SESN1: variants seen among roughly 807,000 people sequenced by gnomAD.
SESN1 encodes sestrin-1.
SESN1 carries 30 observed loss-of-function variants against 59.3 expected under a neutral mutation model. The ratio of observed to expected loss-of-function variants is 0.51; its 90% CI spans 0.38 to 0.69. The LOEUF is 0.69. SESN1 is among the 30% of genes least tolerant of loss of function. The probability of loss-of-function intolerance (pLI) is 0.00; values close to 1 mark genes in which losing one functional copy is unlikely to be tolerated. For synonymous variants in SESN1, 197 were observed against 219.9 expected, an observed-to-expected ratio of 0.90 and a Z score of 0.92; for missense variants, 566 against 673.0, an observed-to-expected ratio of 0.84 and a Z score of 1.76.
At chr6:109,009,680 G>T (rs904856773) in intron 1 of SESN1, 4 of 485,450 alleles carry the variant, frequency 8.2e-6, no homozygotes, top group Non-Finnish European at 1.1e-5. Context: ...CCCCTCCGGC[G>T]CGGAGGCTGG....
At chr6:109,024,117 A>AT (rs1780050290) in intron 1 of SESN1, among the ~76,000 whole-genome samples, 1 of 152,108 alleles carries the variant, frequency 6.6e-6, no homozygotes, top group African/African-American at 2.4e-5. Context: ...TCTAGAACAA[A>AT]TTAAAAAAAA....
intron 1 of SESN1, among the ~76,000 whole-genome samples, chr6:109,003,292 A>G (rs1779665757): frequency 6.7e-6 from 1 of 149,662 alleles, no homozygotes; most frequent in Admixed American, 6.7e-5. Flanking sequence ...TACTCATATA[A>G]TTCTACTCTC....
chr6:109,054,411 A>G (rs536357825), intron 1 of SESN1, among the ~76,000 whole-genome samples: 59 of 152,318 alleles, frequency 3.9e-4, no homozygotes, highest in African/African-American at 1.4e-3. Context: ...TCCTTAAAAA[A>G]TACAGTAAAG....
chr6:109,019,519 TG>T (rs1336885708), intron 1 of SESN1, among the ~76,000 whole-genome samples: 1 of 152,236 alleles, frequency 6.6e-6, no homozygotes, highest in Non-Finnish European at 1.5e-5. Context: ...TAGCCTGTCC[TG>T]GGTCTAGTCT....
rs985977144 is a variant in SESN1 at position 109,033,490 on chromosome 6, T to G, written c.280-31147A>C. ...TTTTCATTTATAACCTGTTCACTTCTGGACAGGATGCCTCCAGCTGTTTTT... is the reference window on the plus strand; with the variant it reads ...TTTTCATTTATAACCTGTTCACTTCGGGACAGGATGCCTCCAGCTGTTTTT... On this transcript the variant is annotated intron_variant, in intron 1 of 9. Transcript: ENST00000436639. 1.1e-4 allele frequency among the ~76,000 whole-genome samples: 16 copies of G among 152,354 alleles called. No homozygotes were observed. The Middle Eastern group carries it at 0.01, about 97-fold the overall frequency.
In SESN1 at chr6:108,994,540, C is replaced by T; in HGVS notation, c.1042G>A (p.Glu348Lys). The T allele has an allele frequency of 3.1e-6, 5 of 1,613,682 alleles. No individual in the cohort carries two copies. The highest frequency in any genetic ancestry group is 4.2e-6 in the Non-Finnish European group (5 of 1,179,808). Residue 348 changes from glutamate (E) to lysine (K), a missense_variant, in exon 6 of 10, where the codon GAA becomes AAA. Glu to Lys is a moderately conservative substitution (Grantham distance 56). Coordinates refer to ENST00000436639, the MANE Select transcript of SESN1 (RefSeq NM_014454.3). ...KMRQLQECRD[E>K]EEASQEEMAS... ...ATCTCTTCCTGACTTGCCTCTTCTTCATCTCGACATTCCTGTAACTGCCTC... is the reference window on the plus strand; with the variant it reads ...ATCTCTTCCTGACTTGCCTCTTCTTTATCTCGACATTCCTGTAACTGCCTC...
chr6:109,060,449 G>T (rs6927994), intron 1 of SESN1, among the ~76,000 whole-genome samples: 20,325 of 151,900 alleles, frequency 0.13, 1,885 homozygotes, highest in Non-Finnish European at 0.21. Flanking sequence ...TTTTTCCTTT[G>T]GGAGAATATT....
chr6:108,987,750 A>G, intron 9 of SESN1, 120 bp from the exon 10 acceptor site: 2 of 507,038 alleles, frequency 3.9e-6, no homozygotes, highest in Admixed American at 3.5e-5. Context: ...GTAGTACAGC[A>G]TAACTTAGCC....
intron 8 of SESN1, 24 bp from the exon 9 acceptor site, chr6:108,988,711 T>TATG (rs754121515): frequency 7.7e-6 from 12 of 1,566,164 alleles, no homozygotes; most frequent in Non-Finnish European, 1.0e-5. Context: ...TAATGAGAAT[T>TATG]ATGATATTTT....
At chr6:109,084,849 T>C (rs866560957) in intron 1 of SESN1, among the ~76,000 whole-genome samples, 8 of 152,148 alleles carry the variant, frequency 5.3e-5, no homozygotes, top group Admixed American at 1.3e-4. Flanking sequence ...ATGAATTTTT[T>C]TGTTACAAAC....
Position 109,093,987 on chromosome 6 carries a change from C to A in SESN1, c.87G>T (p.Arg29Ser). The A allele has an allele frequency of 1.2e-6, 2 of 1,614,142 alleles. No individual in the cohort carries two copies. Among genetic ancestry groups the A allele is most frequent in the East Asian group, 4.5e-5 (2 of 44,878 alleles). The change falls in exon 1 of 10, where the codon AGG becomes AGT. Residue 29 changes from arginine (R) to serine (S), a missense_variant. By Grantham distance (110) the Arg-to-Ser change is moderately radical. Transcript: ENST00000436639. The part of the protein sequence containing the change: ...TTRETALENI[R>S]QTILRKTEYL... ...ACTCGGTTTTCCTCAAAATGGTTTG[C>A]CTAATGTTTTCCAATGCTGTCTCCC...
At chr6:108,999,505 C>T in intron 4 of SESN1, among the ~76,000 whole-genome samples, 1 of 152,140 alleles carries the variant, frequency 6.6e-6, no homozygotes, top group East Asian at 1.9e-4. Context: ...TCTATTATCT[C>T]TATTAATAAA....
chr6:109,003,569 T>G (rs757727056), intron 1 of SESN1, among the ~76,000 whole-genome samples: 17 of 152,184 alleles, frequency 1.1e-4, no homozygotes, highest in Admixed American at 2.6e-4. Flanking sequence ...AAAATAATAT[T>G]TAAATAAAAT....
intron 1 of SESN1, among the ~76,000 whole-genome samples, chr6:109,022,177 C>T (rs890422128): frequency 1.7e-4 from 26 of 151,936 alleles, no homozygotes; most frequent in African/African-American, 6.3e-4. Context: ...TAACGGGGCA[C>T]CTGGACTGAG....
intron 1 of SESN1, among the ~76,000 whole-genome samples, chr6:109,083,119 T>A (rs1435061006): frequency 6.6e-6 from 1 of 152,220 alleles, no homozygotes. Context: ...TTTACCAATG[T>A]CATCTCTTAA....
chr6:109,081,146 A>G (rs1407047475), intron 1 of SESN1, among the ~76,000 whole-genome samples: 1 of 152,020 alleles, frequency 6.6e-6, no homozygotes, highest in African/African-American at 2.4e-5. Context: ...CAGTGGTGCA[A>G]TCTTGACTTA....
chr6:109,082,414 GT>G (rs1395999389), intron 1 of SESN1, among the ~76,000 whole-genome samples: 1 of 152,140 alleles, frequency 6.6e-6, no homozygotes, highest in Non-Finnish European at 1.5e-5. Context: ...GCTTAAGGAG[GT>G]TATGTAACTT....
At position 109,058,144 on chromosome 6, in the gene SESN1, G is replaced by GT. The variant is rs527961550; in HGVS notation, c.279+35650dup. Among the ~76,000 whole-genome samples, 161 of 152,052 alleles carry GT rather than the reference G, an allele frequency of 1.1e-3. 1 individual carries two copies. The highest frequency in any genetic ancestry group is 3.5e-3 in the African/African-American group (146 of 41,466). The stretch of plus-strand genomic sequence containing the variant: ...CTGTTGCCTAGGCTGGAGTGGAGTG[G>GT]TACGATCACGGCTCACCGCAGCCTT... On this transcript the variant is annotated intron_variant, in intron 1 of 9. Transcript: ENST00000436639.
intron 1 of SESN1, among the ~76,000 whole-genome samples, chr6:109,053,561 T>C (rs1780578268): frequency 6.6e-6 from 1 of 152,054 alleles, no homozygotes; most frequent in African/African-American, 2.4e-5. Context: ...GCCAGTGAAC[T>C]AAGTAAGGAC....
Sources: gnomAD v4.1 joint callset for allele counts (sites outside exome capture counted in the v4.1 genomes callset) on GRCh38, gnomAD v4.1.1 for gene constraint, MANE v1.5 for transcripts, NCBI Gene and HGNC (gene_info 2026-07-23, HGNC 2026-07-21) for gene names.